Variants in GALNTL5 observed in about 807,000 individuals in gnomAD.
GALNTL5 encodes inactive polypeptide N-acetylgalactosaminyltransferase-like protein 5.
Under a neutral mutation model 51.0 loss-of-function variants are expected in GALNTL5, and 44 were observed. That is an observed-to-expected ratio of 0.86 (90% CI 0.68 to 1.11). The LOEUF (loss-of-function observed/expected upper bound fraction) is 1.11, where lower values mean the gene tolerates loss of function less well. Ranked by LOEUF, GALNTL5 falls within the 50% of genes least tolerant of loss-of-function variation. The probability of loss-of-function intolerance (pLI) is 0.00; values close to 1 mark genes in which losing one functional copy is unlikely to be tolerated. For synonymous variants in GALNTL5, 192 were observed against 182.8 expected, an observed-to-expected ratio of 1.05 and a Z score of -0.41; for missense variants, 528 against 531.8, an observed-to-expected ratio of 0.99 and a Z score of 0.07.
At chr7:151,973,849 A>T (rs1253168927) in intron 3 of GALNTL5, among the ~76,000 whole-genome samples, 1 of 152,124 alleles carries the variant, frequency 6.6e-6, no homozygotes, top group Non-Finnish European at 1.5e-5. Context: ...TGTAATCCTC[A>T]GGTGTCGAGG....
At chr7:151,977,655 T>C (rs996941336) in intron 3 of GALNTL5, among the ~76,000 whole-genome samples, 1 of 152,192 alleles carries the variant, frequency 6.6e-6, no homozygotes, top group African/African-American at 2.4e-5. Flanking sequence ...TGGGATAATA[T>C]GATAATCACC....
chr7:151,998,058 A>G (rs1054395934), intron 5 of GALNTL5, among the ~76,000 whole-genome samples: 5 of 152,046 alleles, frequency 3.3e-5, no homozygotes, highest in Non-Finnish European at 1.5e-5. Flanking sequence ...TATTAAAAAA[A>G]GTAGGCGAGT....
intron 3 of GALNTL5, among the ~76,000 whole-genome samples, chr7:151,977,149 C>CA (rs2081217035): frequency 6.6e-6 from 1 of 152,048 alleles, no homozygotes; most frequent in South Asian, 2.1e-4. Flanking sequence ...ACAATATGGC[C>CA]AATAGAATTT....
intron 7 of GALNTL5, among the ~76,000 whole-genome samples, chr7:152,011,447 T>C (rs2081737093): frequency 6.6e-6 from 1 of 152,254 alleles, no homozygotes; most frequent in Non-Finnish European, 1.5e-5. Flanking sequence ...TTGGTTCACC[T>C]GATCTCCCCG....
intron 1 of GALNTL5, among the ~76,000 whole-genome samples, chr7:151,962,904 C>T (rs2081009901): frequency 1.3e-5 from 2 of 152,094 alleles, no homozygotes; most frequent in South Asian, 2.1e-4. Context: ...CCACCATGCC[C>T]GGCCCATGTC....
At chr7:151,963,610 C>A (rs1378377169) in intron 1 of GALNTL5, among the ~76,000 whole-genome samples, 1 of 152,154 alleles carries the variant, frequency 6.6e-6, no homozygotes, top group Non-Finnish European at 1.5e-5. Context: ...GTTGGCCAGG[C>A]TGGTCTCCAA....
intron 5 of GALNTL5, among the ~76,000 whole-genome samples, chr7:151,991,850 T>C (rs2081432267): frequency 6.6e-6 from 1 of 152,196 alleles, no homozygotes; most frequent in African/African-American, 2.4e-5. Flanking sequence ...TGGAATTGTA[T>C]AGAGATGATA....
At chr7:151,963,505 C>T (rs937016319) in intron 1 of GALNTL5, among the ~76,000 whole-genome samples, 2 of 152,242 alleles carry the variant, frequency 1.3e-5, no homozygotes, top group African/African-American at 4.8e-5. Flanking sequence ...TCAAGCCATT[C>T]TCGTGCCTCA....
chr7:151,982,905 AAGG>A, intron 3 of GALNTL5, 78 bp from the exon 4 acceptor site: 2 of 1,610,686 alleles, frequency 1.2e-6, no homozygotes, highest in Non-Finnish European at 1.7e-6. Context: ...AGATGCAAAT[AAGG>A]AGAAGTGTTT....
intron 3 of GALNTL5, among the ~76,000 whole-genome samples, chr7:151,977,898 C>T (rs1406915654): frequency 6.6e-6 from 1 of 151,988 alleles, no homozygotes; most frequent in Non-Finnish European, 1.5e-5. Flanking sequence ...CCGCTAGTAC[C>T]ATACCTTCTT....
intron 8 of GALNTL5, among the ~76,000 whole-genome samples, chr7:152,016,376 C>G (rs975861694): frequency 6.6e-6 from 1 of 151,554 alleles, no homozygotes. Flanking sequence ...TGCACTTCAG[C>G]CTGGGCAACG....
rs562622040 is a variant in GALNTL5, at chr7:151,995,746, T to C, written c.659-6968T>C. Among the ~76,000 whole-genome samples, 369 of 152,062 alleles carry C rather than the reference T, an allele frequency of 2.4e-3. 5 individuals carry two copies. The highest frequency in any genetic ancestry group is 8.3e-3 in the African/African-American group (345 of 41,520). ...CAAATAAATAATTAAAACATAAACA[T>C]TGAATTTTATCCTTCAAAATGATGA... On this transcript the variant is annotated intron_variant, in intron 5 of 8. Coordinates refer to ENST00000392800, the MANE Select transcript of GALNTL5 (RefSeq NM_145292.4).
chr7:151,983,748 A>G (rs932694390), intron 4 of GALNTL5, among the ~76,000 whole-genome samples: 1 of 152,146 alleles, frequency 6.6e-6, no homozygotes, highest in African/African-American at 2.4e-5. Flanking sequence ...ATGAGTTGTA[A>G]TGATCTAGGT....
At chr7:151,991,022 G>T (rs1436110622) in intron 5 of GALNTL5, among the ~76,000 whole-genome samples, 1 of 151,888 alleles carries the variant, frequency 6.6e-6, no homozygotes, top group African/African-American at 2.4e-5. Context: ...ATGATTTTTG[G>T]GTTTTGTCTC....
chr7:151,984,572 C>T (rs2081337208), intron 4 of GALNTL5, among the ~76,000 whole-genome samples: 1 of 152,134 alleles, frequency 6.6e-6, no homozygotes, highest in African/African-American at 2.4e-5. Context: ...AGGCACCTAT[C>T]GTAAATAACA....
chr7:151,972,642 G>T (rs1209615947), intron 3 of GALNTL5, among the ~76,000 whole-genome samples: 1 of 152,204 alleles, frequency 6.6e-6, no homozygotes, highest in African/African-American at 2.4e-5. Flanking sequence ...TCCAGCCATG[G>T]CCAAAAGGGA....
rs145695727 is a variant in GALNTL5, at chr7:151,998,115, A to G, written c.659-4599A>G. Among the ~76,000 whole-genome samples, 1,108 of 152,296 alleles carry G rather than the reference A, an allele frequency of 7.3e-3. 12 individuals carry two copies. The highest frequency in any genetic ancestry group is 0.025 in the African/African-American group (1,039 of 41,564). ...CCTAAGCTACTCAGGAGGCTGAGGC[A>G]AGAGGATCGCTTGAGTCCAGGAGTT... On this transcript the variant is annotated intron_variant, in intron 5 of 8. Coordinates refer to ENST00000392800, the MANE Select transcript of GALNTL5 (RefSeq NM_145292.4).
chr7:151,965,649 C>T (rs998486671), intron 1 of GALNTL5, among the ~76,000 whole-genome samples: 4 of 152,048 alleles, frequency 2.6e-5, no homozygotes, highest in South Asian at 2.1e-4. Flanking sequence ...GAGGCTAAGG[C>T]GGCAGAATTG....
At chr7:151,962,941 C>T (rs2081010524) in intron 1 of GALNTL5, among the ~76,000 whole-genome samples, 1 of 152,062 alleles carries the variant, frequency 6.6e-6, no homozygotes, top group South Asian at 2.1e-4. Context: ...TCCTTTATTG[C>T]CATTTGCAAT....
Sources: allele counts gnomAD v4.1 joint callset (sites outside exome capture counted in the v4.1 genomes callset), GRCh38; gene constraint gnomAD v4.1.1; transcripts MANE v1.5; gene names NCBI Gene and HGNC (gene_info 2026-07-23, HGNC 2026-07-21).